The following CATSPERT variants were observed in gnomAD, a reference collection of about 807,000 sequenced individuals.
The protein encoded by CATSPERT is cation channel sperm-associated targeting subunit tau.
chr2:201,598,427 A>T, the CATSPERT span, among the ~76,000 whole-genome samples: 1 of 151,554 alleles, frequency 6.6e-6, no homozygotes, highest in Non-Finnish European at 1.5e-5. Flanking sequence ...TTTTGTTTTT[A>T]AGAAAAAAAA....
At chr2:201,534,762 T>C in the CATSPERT span, 2 of 934,616 alleles carry the variant, frequency 2.1e-6, no homozygotes, top group African/African-American at 4.0e-5. Flanking sequence ...GATCCACAGA[T>C]CTAAATAAAT....
chr2:201,611,418 C>T, the CATSPERT span, among the ~76,000 whole-genome samples: 1 of 152,034 alleles, frequency 6.6e-6, no homozygotes, highest in Non-Finnish European at 1.5e-5. Flanking sequence ...TTGAGACCAA[C>T]AAAAATGGAA....
chr2:201,536,218 G>A, the CATSPERT span: 1 of 1,613,298 alleles, frequency 6.2e-7, no homozygotes, highest in African/African-American at 1.3e-5. Flanking sequence ...GTGGGTGAAG[G>A]TGTTGATTCA....
At chr2:201,560,857 A>T in the CATSPERT span, among the ~76,000 whole-genome samples, 2 of 151,016 alleles carry the variant, frequency 1.3e-5, no homozygotes, top group African/African-American at 4.9e-5. Flanking sequence ...ATCTCAGCTC[A>T]CTGCAACCTC....
the CATSPERT span, among the ~76,000 whole-genome samples, chr2:201,570,662 C>G: frequency 6.6e-6 from 1 of 152,124 alleles, no homozygotes; most frequent in East Asian, 1.9e-4. Flanking sequence ...GGCCTGAACT[C>G]TCAATCACCG....
At chr2:201,506,260 C>A in the CATSPERT span, among the ~76,000 whole-genome samples, 1 of 129,846 alleles carries the variant, frequency 7.7e-6, no homozygotes, top group Non-Finnish European at 1.6e-5. Flanking sequence ...GAGCGAGACT[C>A]CGTCTCAAAA....
At chr2:201,556,816 G>C in the CATSPERT span, 2 of 151,428 alleles carry the variant, frequency 1.3e-5, no homozygotes, top group Non-Finnish European at 1.5e-5. Context: ...GACAGAGTGA[G>C]ACTCTGTCTA....
At chr2:201,493,936 G>A in the CATSPERT span, 12 of 1,536,974 alleles carry the variant, frequency 7.8e-6, no homozygotes, top group Non-Finnish European at 1.0e-5. Context: ...AAATGAATCT[G>A]CAGGAATATT....
chr2:201,573,903 C>T, the CATSPERT span, among the ~76,000 whole-genome samples: 6 of 152,138 alleles, frequency 3.9e-5, no homozygotes, highest in Non-Finnish European at 7.3e-5. Context: ...GTGATTCACC[C>T]ACCTCGGCCT....
the CATSPERT span, among the ~76,000 whole-genome samples, chr2:201,525,950 G>A: frequency 6.6e-6 from 1 of 152,064 alleles, no homozygotes; most frequent in African/African-American, 2.4e-5. Context: ...CCATTGGTGT[G>A]TTCCAAAATT....
chr2:201,545,546 C>T, the CATSPERT span: 19 of 1,488,634 alleles, frequency 1.3e-5, no homozygotes, highest in South Asian at 2.0e-4. Flanking sequence ...TTCTTACCTA[C>T]TCCTACAATA....
At chr2:201,598,430 A>G in the CATSPERT span, among the ~76,000 whole-genome samples, 185 of 142,464 alleles carry the variant, frequency 1.3e-3, 1 homozygote, top group Non-Finnish European at 1.9e-3. Context: ...TGTTTTTAAG[A>G]AAAAAAAAAA....
At chr2:201,515,201 AGTTTTTTTTT>A in the CATSPERT span, among the ~76,000 whole-genome samples, 28 of 70,270 alleles carry the variant, frequency 4.0e-4, 6 homozygotes, top group Admixed American at 1.5e-3. Context: ...ATCTGCCCAT[AGTTTTTTTTT>A]TTTTTTTTTT....
At chr2:201,582,358 ATTATTTGCATACC>A in the CATSPERT span, 1 of 793,548 alleles carries the variant, frequency 1.3e-6, no homozygotes, top group Non-Finnish European at 1.8e-6. Flanking sequence ...GCAAATAAAT[ATTATTTGCATACC>A]TAGTGATACG....
the CATSPERT span, among the ~76,000 whole-genome samples, chr2:201,598,742 C>G: frequency 6.6e-6 from 1 of 152,038 alleles, no homozygotes; most frequent in African/African-American, 2.4e-5. Flanking sequence ...TCACCACACC[C>G]AGCTAAGTTT....
chr2:201,495,425 T>G, the CATSPERT span, among the ~76,000 whole-genome samples: 2 of 152,166 alleles, frequency 1.3e-5, no homozygotes, highest in Non-Finnish European at 2.9e-5. Context: ...AGTGTAATAT[T>G]CATAAGCAGC....
the CATSPERT span, among the ~76,000 whole-genome samples, chr2:201,567,803 C>A: frequency 1.3e-5 from 2 of 152,204 alleles, no homozygotes; most frequent in Non-Finnish European, 2.9e-5. Flanking sequence ...CCTCTCAGAA[C>A]AATTTTTGAC....
chr2:201,591,894 A>G, the CATSPERT span, among the ~76,000 whole-genome samples: 10,892 of 151,596 alleles, frequency 0.072, 581 homozygotes, highest in African/African-American at 0.14. Context: ...GGCTGAGACA[A>G]TGGGGTTTTC....
chr2:201,534,920 TTA>T, the CATSPERT span: 1 of 451,368 alleles, frequency 2.2e-6, no homozygotes, highest in Non-Finnish European at 2.9e-6. Flanking sequence ...AAAATAAAAA[TTA>T]TATGTCTATT....
Sources: allele counts gnomAD v4.1 joint callset (sites outside exome capture counted in the v4.1 genomes callset), GRCh38; gene constraint gnomAD v4.1.1; transcripts MANE v1.5; gene names NCBI Gene and HGNC (gene_info 2026-07-23, HGNC 2026-07-21).